The following RIOK1 variants were observed in gnomAD, a reference collection of about 807,000 sequenced individuals.
RIOK1 encodes RIO kinase 1.
In RIOK1, 66 loss-of-function variants were observed where a neutral mutation model predicts 73.5. The observed-to-expected ratio is 0.90, with a 90% CI of 0.74 to 1.10. The LOEUF (loss-of-function observed/expected upper bound fraction) is 1.10. Among genes scored for constraint, RIOK1 ranks in the 50% least tolerant of loss-of-function variants. RIOK1 has a pLI of 0.00. For synonymous variants in RIOK1, 224 were observed against 226.8 expected (o/e 0.99, Z 0.11); for missense variants, 658 against 699.8 (o/e 0.94, Z 0.67).
chr6:7,393,320 C>T lies in RIOK1; in HGVS notation c.276+17C>T, dbSNP rs936808118. On this transcript the variant is annotated intron_variant, in intron 2 of 16. Coordinates refer to ENST00000379834, the MANE Select transcript of RIOK1 (RefSeq NM_031480.3). ...AACCCACAGGTATTTTATAAAGGAT[C>T]CTGCACATCTTTATGTAGTCTGCTT... The T allele has an allele frequency of 6.2e-7, 1 of 1,607,408 alleles. No homozygotes were observed. The highest frequency in any genetic ancestry group is 1.3e-5 in the African/African-American group (1 of 74,776).
intron 1 of RIOK1, among the ~76,000 whole-genome samples, chr6:7,391,875 C>T (rs946424648): frequency 6.6e-6 from 1 of 152,198 alleles, no homozygotes; most frequent in African/African-American, 2.4e-5. Context: ...GTATGAAGTC[C>T]TGGTAAGTAG....
intron 16 of RIOK1, 46 bp from the exon 17 acceptor site, chr6:7,417,285 A>C (rs919900075): frequency 1.6e-6 from 2 of 1,246,936 alleles, no homozygotes; most frequent in Non-Finnish European, 2.2e-6. Flanking sequence ...CAAAAAATGC[A>C]TACTCCAAAT....
At chr6:7,416,360 G>A (rs181046292) in intron 16 of RIOK1, among the ~76,000 whole-genome samples, 195 of 152,268 alleles carry the variant, frequency 1.3e-3, no homozygotes, top group Middle Eastern at 6.8e-3. Context: ...TTCTATTAAG[G>A]AAGCTCAGCT....
rs184796095 is a variant in RIOK1 at position 7,404,767 on chromosome 6, C to G, written c.993-151C>G. On this transcript the variant is annotated intron_variant, in intron 10 of 16. Transcript: ENST00000379834. ...CAGTGAATGGATTTTGGAAATTTTC[C>G]CAGTTCCATCTGTTAGTCAAGATTG... The G allele has an allele frequency of 3.4e-4, 295 of 873,466 alleles. 1 individual carries two copies. In the African/African-American group the frequency reaches 3.9e-3, roughly 11 times the overall value. The allele number at this position is 873,466 out of a possible 1,614,324, so 54.1% of individuals were successfully genotyped here.
intron 16 of RIOK1, 140 bp downstream of exon 16, chr6:7,414,530 AGT>A: frequency 1.2e-6 from 1 of 809,888 alleles, no homozygotes; most frequent in Non-Finnish European, 1.9e-6. Context: ...TTAATACCTA[AGT>A]GTGAACTTGA....
intron 12 of RIOK1, among the ~76,000 whole-genome samples, chr6:7,409,129 T>C (rs1336413141): frequency 6.6e-6 from 1 of 151,916 alleles, no homozygotes; most frequent in East Asian, 1.9e-4. Context: ...TTAAAGCAGT[T>C]CTTCTGCCTC....
At chr6:7,402,342 C>T (rs12200865) in intron 6 of RIOK1, among the ~76,000 whole-genome samples, 66,360 of 152,070 alleles carry the variant, frequency 0.44, 16,831 homozygotes, top group Middle Eastern at 0.59. Flanking sequence ...TATAGTCTTA[C>T]GGAATCACCT....
intron 2 of RIOK1, among the ~76,000 whole-genome samples, chr6:7,394,347 T>C (rs2113499008): frequency 6.6e-6 from 1 of 152,214 alleles, no homozygotes. Flanking sequence ...GGCTGGAGAA[T>C]CGCCTGAACC....
At chr6:7,405,167 T>A (rs1261835806) in intron 11 of RIOK1, 82 bp from the exon 12 acceptor site, 16 of 1,057,126 alleles carry the variant, frequency 1.5e-5, no homozygotes, top group Non-Finnish European at 2.3e-5. Flanking sequence ...TGTAATTTTA[T>A]CTCCTTGTTT....
In RIOK1 at chr6:7,417,400, A is replaced by G; in HGVS notation, c.1666A>G (p.Lys556Glu). 6.4e-7 allele frequency: 1 copy of G among 1,570,200 alleles called. No homozygotes were observed. Among genetic ancestry groups the G allele is most frequent in the Non-Finnish European group, 8.6e-7 (1 of 1,156,982 alleles). The change falls in exon 17 of 17, where the codon AAA becomes GAA. Residue 556 changes from lysine (K) to glutamate (E), a missense_variant. Lys to Glu is a moderately conservative substitution (Grantham distance 56). Transcript: ENST00000379834. ...AAACAAAATTCCTAAACATGTGAAA[A>G]AAAGAAAGGAGAAGACAGCCAAGAC... ...RKNKIPKHVK[K>E]RKEKTAKTKK...
At chr6:7,395,898 G>A (rs1229765580) in intron 3 of RIOK1, among the ~76,000 whole-genome samples, 1 of 151,968 alleles carries the variant, frequency 6.6e-6, no homozygotes, top group Non-Finnish European at 1.5e-5. Flanking sequence ...TGTAGAGACG[G>A]GGTTTCTCCA....
In RIOK1 at chr6:7,410,553, G is replaced by A. The variant is rs940432450; in HGVS notation, c.1269+102G>A. 4 of 717,150 alleles carry A rather than the reference G, an allele frequency of 5.6e-6. No homozygotes were observed. In the African/African-American group the frequency reaches 7.2e-5, roughly 13 times the overall value. The allele number at this position is 717,150 out of a possible 1,614,324, so 44.4% of individuals were successfully genotyped here. A position where few individuals can be genotyped will look rare whatever the true frequency, so the allele number is the denominator to read the frequency against. ...TAAACTTGATTTAAATAGATAAGCA[G>A]CTTTTTCAAATGATGGTAATATTTC... is the stretch of plus-strand genomic sequence containing the variant. On this transcript the variant is annotated intron_variant, in intron 13 of 16. Transcript: ENST00000379834.
intron 1 of RIOK1, among the ~76,000 whole-genome samples, chr6:7,391,921 A>T (rs947336828): frequency 6.6e-6 from 1 of 152,178 alleles, no homozygotes; most frequent in Non-Finnish European, 1.5e-5. Context: ...CTTCCTCCAC[A>T]TGTCCACGGG....
At chr6:7,398,971 G>A (rs1354314740) in intron 5 of RIOK1, among the ~76,000 whole-genome samples, 1 of 152,146 alleles carries the variant, frequency 6.6e-6, no homozygotes, top group Non-Finnish European at 1.5e-5. Context: ...GCCACCATGC[G>A]ATGCTTTCCC....
intron 4 of RIOK1, among the ~76,000 whole-genome samples, chr6:7,397,884 G>A (rs1476917800): frequency 6.6e-6 from 1 of 152,232 alleles, no homozygotes; most frequent in Non-Finnish European, 1.5e-5. Flanking sequence ...GCTCACGCCT[G>A]TAATCCCAGC....
At chr6:7,398,786 C>T in intron 5 of RIOK1, 46 bp downstream of exon 5, 1 of 1,469,160 alleles carries the variant, frequency 6.8e-7, no homozygotes, top group Non-Finnish European at 9.5e-7. Context: ...ATTAGCATTT[C>T]TTCTCTCTTT....
At chr6:7,404,871 A>G (rs369998934) in intron 10 of RIOK1, 47 bp from the exon 11 acceptor site, 5 of 1,473,190 alleles carry the variant, frequency 3.4e-6, no homozygotes, top group East Asian at 2.3e-5. Flanking sequence ...AACGAAAAAC[A>G]TAGTAAAGTA....
chr6:7,389,947 G>T lies in RIOK1; in HGVS notation c.-56G>T. ...CTTTGGATCGGCCGTGGGTACATCC[G>T]TCTGAGCCGTTCCTTTCCATCGCAG... On this transcript the variant is annotated 5_prime_UTR_variant, in exon 1 of 17. Transcript: ENST00000379834. 7.0e-7 allele frequency: 1 copy of T among 1,431,172 alleles called. No homozygotes were observed. The highest frequency in any genetic ancestry group is 9.6e-7 in the Non-Finnish European group (1 of 1,041,528). 88.7% of individuals were successfully genotyped at this position (1,431,172 alleles called of 1,614,324 possible). A position where few individuals can be genotyped will look rare whatever the true frequency, so the allele number is the denominator to read the frequency against.
Position 7,389,976 on chromosome 6 carries a change from G to A in RIOK1, c.-27G>A, listed in dbSNP as rs1450169123. The A allele has an allele frequency of 1.9e-6, 3 of 1,543,210 alleles. No individual in the cohort carries two copies. The highest frequency in any genetic ancestry group is 2.6e-6 in the Non-Finnish European group (3 of 1,140,982). On this transcript the variant is annotated 5_prime_UTR_variant, in exon 1 of 17. Coordinates refer to ENST00000379834, the MANE Select transcript of RIOK1 (RefSeq NM_031480.3). ...GAGCCGTTCCTTTCCATCGCAGAGC[G>A]GCGGCCTCCGGCGGCGCTCTCCAGT...
Sources: allele counts gnomAD v4.1 joint callset (sites outside exome capture counted in the v4.1 genomes callset), GRCh38; gene constraint gnomAD v4.1.1; transcripts MANE v1.5; gene names NCBI Gene and HGNC (gene_info 2026-07-23, HGNC 2026-07-21).